Variants in OVOL2 observed in about 807,000 individuals in gnomAD.
The protein encoded by OVOL2 is transcription factor Ovo-like 2.
OVOL2 carries 13 observed loss-of-function variants against 18.1 expected under a neutral mutation model. The ratio of observed to expected loss-of-function variants is 0.72; its 90% CI spans 0.47 to 1.14. OVOL2 has a LOEUF of 1.14. Among genes scored for constraint, OVOL2 ranks in the 50% most tolerant of loss-of-function variants. The pLI is 0.00. For synonymous variants in OVOL2, 166 were observed against 162.7 expected (o/e 1.02, Z -0.16); for missense variants, 335 against 383.0 (o/e 0.87, Z 1.05).
chr20:18,033,418 G>A (rs1236636622), intron 3 of OVOL2, among the ~76,000 whole-genome samples: 3 of 152,200 alleles, frequency 2.0e-5, no homozygotes, highest in East Asian at 3.9e-4. Context: ...TAACCAGCAT[G>A]GGTTTATGAC....
upstream of OVOL2, among the ~76,000 whole-genome samples, chr20:18,058,316 G>T (rs896571260): frequency 2.0e-5 from 3 of 152,016 alleles, no homozygotes; most frequent in Non-Finnish European, 4.4e-5. Flanking sequence ...CGGTCAGAAG[G>T]GGGAGGCGGC....
chr20:18,028,875 C>T (rs1307208350), intron 3 of OVOL2, among the ~76,000 whole-genome samples: 2 of 152,004 alleles, frequency 1.3e-5, no homozygotes, highest in East Asian at 3.9e-4. Flanking sequence ...TAATATACCC[C>T]CCAGTTTTAT....
chr20:18,056,843 C>T lies in OVOL2; in HGVS notation c.135G>A (p.Glu45=), dbSNP rs2036832682. ...TGCTGCCGCCGTCGCTGCGGCAGTC[C>T]TCGGGGGGGTCGTGGAGCAGGCGGC... ...GLGRLLHDPP[E]DCRSDGGSSS... The change falls in exon 2 of 4, where the codon GAG becomes GAA. Residue 45 remains glutamate (E), a synonymous_variant. Coordinates refer to ENST00000278780, the MANE Select transcript of OVOL2 (RefSeq NM_021220.4). This position sits in a 1 kb window ranked among gnomAD's most constrained non-coding sequence, Gnocchi z 4.2. The T allele has an allele frequency of 6.7e-7, 1 of 1,488,738 alleles. No homozygotes were observed. The highest frequency in any genetic ancestry group is 2.3e-5 in the Admixed American group (1 of 44,340). 92.2% of individuals were successfully genotyped at this position (1,488,738 alleles called of 1,614,324 possible).
chr20:18,038,908 A>C (rs62206511), intron 3 of OVOL2, among the ~76,000 whole-genome samples: 19,459 of 151,990 alleles, frequency 0.13, 1,377 homozygotes, highest in South Asian at 0.19. Flanking sequence ...TAGGCCTCTT[A>C]TAAGACCCCC....
intron 2 of OVOL2, among the ~76,000 whole-genome samples, chr20:18,042,014 A>G (rs889736994): frequency 6.7e-6 from 1 of 150,312 alleles, no homozygotes; most frequent in Admixed American, 6.7e-5. Context: ...GGGTTCAGGT[A>G]ATTCTCCTGC....
chr20:18,051,593 G>A (rs1568639769), intron 2 of OVOL2, among the ~76,000 whole-genome samples: 1 of 152,146 alleles, frequency 6.6e-6, no homozygotes, highest in African/African-American at 2.4e-5. Flanking sequence ...AAATAAAATA[G>A]AGCTGACCAA....
intron 2 of OVOL2, among the ~76,000 whole-genome samples, chr20:18,050,336 G>A (rs1363753590): frequency 6.6e-6 from 1 of 152,204 alleles, no homozygotes; most frequent in African/African-American, 2.4e-5. Flanking sequence ...TGCCATGGCA[G>A]ATGCAGGGAC....
chr20:18,026,790 A>C (rs2036523106), intron 3 of OVOL2, among the ~76,000 whole-genome samples: 3 of 152,130 alleles, frequency 2.0e-5, no homozygotes. Context: ...GCCTGAGGTC[A>C]GGTAAGGTAG....
rs551625121 is a variant in OVOL2 at position 18,026,851 on chromosome 20, G to A, written c.512-1899C>T. 2.1e-3 allele frequency among the ~76,000 whole-genome samples: 315 copies of A among 152,148 alleles called. 1 individual carries two copies. The highest frequency in any genetic ancestry group is 3.7e-3 in the Non-Finnish European group (254 of 68,008). ...ACCCAGCTCAGCACCCTACACTGGC[G>A]AAGGTCACCCCTTGAGCCAGTGGCT... is the stretch of plus-strand genomic sequence containing the variant. On this transcript the variant is annotated intron_variant, in intron 3 of 3. Transcript: ENST00000278780.
intron 3 of OVOL2, among the ~76,000 whole-genome samples, chr20:18,029,474 A>T (rs1258163303): frequency 6.6e-6 from 1 of 152,218 alleles, no homozygotes; most frequent in African/African-American, 2.4e-5. Flanking sequence ...TCACATTGGC[A>T]TATGCACGGA....
At position 18,057,415 on chromosome 20, in the gene OVOL2, C is replaced by T. The variant is rs565221678; in HGVS notation, c.100+120G>A. 5.1e-6 allele frequency: 6 copies of T among 1,170,278 alleles called. No individual in the cohort carries two copies. The highest frequency in any genetic ancestry group is 5.4e-5 in the East Asian group (2 of 37,284). The allele number at this position is 1,170,278 out of a possible 1,614,324, so 72.5% of individuals were successfully genotyped here. A position where few individuals can be genotyped will look rare whatever the true frequency, so the allele number is the denominator to read the frequency against. On this transcript the variant is annotated intron_variant, in intron 1 of 3. Coordinates refer to ENST00000278780, the MANE Select transcript of OVOL2 (RefSeq NM_021220.4). The surrounding 1 kb of genome is among the most constrained non-coding windows in gnomAD (Gnocchi z 6.3). Reference sequence around the variant, plus strand: ...AACCCGCCTAGAAGACCCCCGCGTGCCCCCCGGAAGAGGGGGATGAGGTGG... The same window carrying T: ...AACCCGCCTAGAAGACCCCCGCGTGTCCCCCGGAAGAGGGGGATGAGGTGG...
At chr20:18,044,053 C>T (rs915369595) in intron 2 of OVOL2, among the ~76,000 whole-genome samples, 1 of 152,150 alleles carries the variant, frequency 6.6e-6, no homozygotes, top group Non-Finnish European at 1.5e-5. Flanking sequence ...CCGATGCAGC[C>T]TTCTCCAAAT....
intron 2 of OVOL2, among the ~76,000 whole-genome samples, chr20:18,052,135 G>C (rs902521340): frequency 1.3e-5 from 2 of 152,196 alleles, no homozygotes; most frequent in Middle Eastern, 3.2e-3. Flanking sequence ...AGAAAACCTA[G>C]GGGACTGAGA....
chr20:18,051,891 C>G (rs902735582), intron 2 of OVOL2, among the ~76,000 whole-genome samples: 7 of 152,256 alleles, frequency 4.6e-5, no homozygotes, highest in Non-Finnish European at 1.5e-5. Context: ...TGCCACCAAG[C>G]CCTACTAATT....
At position 18,024,510 on chromosome 20, in the gene OVOL2, A is replaced by G. The variant is rs2036490460; in HGVS notation, c.*126T>C. ...AATGGACCCTACTGCTGATGTTTCA[A>G]AAGGACACAGAGGTGAACTGGTCAC... On this transcript the variant is annotated 3_prime_UTR_variant, in exon 4 of 4. Coordinates refer to ENST00000278780, the MANE Select transcript of OVOL2 (RefSeq NM_021220.4). 6.9e-7 allele frequency: 1 copy of G among 1,441,774 alleles called. No individual in the cohort carries two copies. The highest frequency in any genetic ancestry group is 2.8e-5 in the Admixed American group (1 of 35,160). 89.3% of individuals were successfully genotyped at this position (1,441,774 alleles called of 1,614,324 possible). A position where few individuals can be genotyped will look rare whatever the true frequency, so the allele number is the denominator to read the frequency against.
intron 3 of OVOL2, among the ~76,000 whole-genome samples, chr20:18,031,440 G>A (rs996706987): frequency 1.3e-5 from 2 of 152,178 alleles, no homozygotes; most frequent in East Asian, 3.9e-4. Flanking sequence ...AGCCGGGCAT[G>A]GTGGCGAGTG....
intron 3 of OVOL2, among the ~76,000 whole-genome samples, chr20:18,032,512 T>C (rs1163535631): frequency 1.3e-5 from 2 of 151,890 alleles, no homozygotes; most frequent in Non-Finnish European, 2.9e-5. Context: ...ATTATTATTA[T>C]TATTATTATT....
chr20:18,029,055 C>T (rs2036544484), intron 3 of OVOL2, among the ~76,000 whole-genome samples: 1 of 151,812 alleles, frequency 6.6e-6, no homozygotes, highest in South Asian at 2.1e-4. Flanking sequence ...GAGAAGGAGT[C>T]TCACTCTGTC....
At chr20:18,058,205 G>T (rs2036848666), upstream of OVOL2, among the ~76,000 whole-genome samples, 1 of 151,812 alleles carries the variant, frequency 6.6e-6, no homozygotes, top group Non-Finnish European at 1.5e-5. Context: ...CCCACGAGTT[G>T]CCCCCCTCCC....
Sources: allele counts gnomAD v4.1 joint callset (sites outside exome capture counted in the v4.1 genomes callset), GRCh38; gene constraint gnomAD v4.1.1; non-coding constraint Gnocchi (gnomAD v3.1); transcripts MANE v1.5; gene names NCBI Gene and HGNC (gene_info 2026-07-23, HGNC 2026-07-21).